The following ZNF331 variants were observed in gnomAD, a reference collection of about 807,000 sequenced individuals.
The protein encoded by ZNF331 is zinc finger protein 331.
A neutral mutation model predicts 7.0 loss-of-function variants in ZNF331; 2 were observed. That is an observed-to-expected ratio of 0.29 (90% CI 0.12 to 0.90). The LOEUF is 0.90. Ranked by LOEUF, ZNF331 falls within the 40% of genes least tolerant of loss-of-function variation. The pLI is 0.58. For missense variants in ZNF331, 432 were observed against 587.7 expected (o/e 0.74, Z 2.74); for synonymous variants, 196 against 205.4 (o/e 0.95, Z 0.39).
intron 5 of ZNF331, among the ~76,000 whole-genome samples, chr19:53,575,566 C>T (rs904076476): frequency 5.4e-5 from 8 of 149,084 alleles, no homozygotes; most frequent in Admixed American, 1.3e-4. Flanking sequence ...CTCCACCTCC[C>T]GGGTTCAAGC....
At chr19:53,527,359 T>C (rs749604155) in intron 2 of ZNF331, among the ~76,000 whole-genome samples, 1 of 152,082 alleles carries the variant, frequency 6.6e-6, no homozygotes, top group African/African-American at 2.4e-5. Flanking sequence ...CCCTAATTCA[T>C]GAATGCAGGA....
the ZNF331 span, among the ~76,000 whole-genome samples, chr19:53,506,448 C>CTCTCTCTCTCTCTCTG: frequency 2.2e-5 from 1 of 44,732 alleles, no homozygotes; most frequent in African/African-American, 7.0e-5. Context: ...CTCTCTGTCT[C>CTCTCTCTCTCTCTCTG]TCTCTCTCTC....
At chr19:53,540,306 G>A (rs746316679) in intron 2 of ZNF331, among the ~76,000 whole-genome samples, 10 of 152,210 alleles carry the variant, frequency 6.6e-5, no homozygotes, top group Non-Finnish European at 1.3e-4. Flanking sequence ...GTTCTGATGA[G>A]GGCCCTTTTC....
chr19:53,515,924 G>A (rs1367928518), upstream of ZNF331, among the ~76,000 whole-genome samples: 1 of 152,116 alleles, frequency 6.6e-6, no homozygotes, highest in African/African-American at 2.4e-5. Context: ...AATGGGTAAA[G>A]AAAATGTGAT....
the ZNF331 span, among the ~76,000 whole-genome samples, chr19:53,506,321 C>G: frequency 2.7e-4 from 25 of 92,304 alleles, no homozygotes; most frequent in Middle Eastern, 0.077. Context: ...GGCGACAGAG[C>G]GAGACTCCGT....
chr19:53,567,992 T>A (rs4803145), intron 3 of ZNF331, among the ~76,000 whole-genome samples: 40,256 of 152,084 alleles, frequency 0.26, 5,834 homozygotes, highest in East Asian at 0.45. Flanking sequence ...GGCTCATGCC[T>A]GTAATCCCAA....
intron 2 of ZNF331, among the ~76,000 whole-genome samples, chr19:53,545,454 G>A (rs1006176474): frequency 4.6e-5 from 7 of 152,172 alleles, no homozygotes; most frequent in African/African-American, 1.2e-4. Context: ...TCCAGGTGAC[G>A]CCCCAGAGGG....
At chr19:53,540,340 T>TC (rs2088058147) in intron 2 of ZNF331, among the ~76,000 whole-genome samples, 2 of 152,202 alleles carry the variant, frequency 1.3e-5, no homozygotes, top group Non-Finnish European at 2.9e-5. Context: ...GTCACCATCT[T>TC]GCTGTGTCCT....
chr19:53,536,770 G>T (rs1008466532), upstream of ZNF331, among the ~76,000 whole-genome samples: 5 of 152,192 alleles, frequency 3.3e-5, no homozygotes, highest in African/African-American at 1.2e-4. Context: ...GGGCGTGGTA[G>T]CGCATGCCTG....
At chr19:53,504,015 G>A in the ZNF331 span, 2 of 505,434 alleles carry the variant, frequency 4.0e-6, no homozygotes, top group African/African-American at 2.0e-5. Flanking sequence ...ACAGGCACAA[G>A]CGGCGGGTCC....
Position 53,579,712 on chromosome 19 carries a change from G to A in ZNF331, c.*1760G>A, listed in dbSNP as rs1266386285. On this transcript the variant is annotated 3_prime_UTR_variant, in exon 6 of 6. Coordinates refer to ENST00000449416, the MANE Select transcript of ZNF331 (RefSeq NM_001079906.2). ...TTGGCACAGCCGTGGGTTACGCAAT[G>A]ATTTCTTAGTACACAAAACACAGCA... The A allele has an allele frequency of 5.0e-6, 1 of 198,196 alleles. No homozygotes were observed. The highest frequency in any genetic ancestry group is 7.9e-5 in the East Asian group (1 of 12,692). The allele number at this position is 198,196 out of a possible 1,614,324, so 12.3% of individuals were successfully genotyped here. A position where few individuals can be genotyped will look rare whatever the true frequency, so the allele number is the denominator to read the frequency against.
chr19:53,516,315 G>A (rs889548044), upstream of ZNF331, among the ~76,000 whole-genome samples: 8 of 151,922 alleles, frequency 5.3e-5, no homozygotes, highest in Admixed American at 4.6e-4. Context: ...GCTGGGCATG[G>A]GGTGCGTGCC....
upstream of ZNF331, among the ~76,000 whole-genome samples, chr19:53,535,743 CTG>C (rs1362573629): frequency 6.6e-6 from 1 of 151,660 alleles, no homozygotes. Context: ...CGAATATTGA[CTG>C]TAACATTTCA....
chr19:53,569,711 A>C (rs2090343070), intron 4 of ZNF331, among the ~76,000 whole-genome samples: 1 of 152,130 alleles, frequency 6.6e-6, no homozygotes, highest in African/African-American at 2.4e-5. Flanking sequence ...ATCTGACCAC[A>C]TGAGAAACAG....
chr19:53,544,466 A>G (rs944733241), intron 2 of ZNF331, among the ~76,000 whole-genome samples: 74 of 145,238 alleles, frequency 5.1e-4, no homozygotes, highest in Non-Finnish European at 9.0e-5. Flanking sequence ...AATGGCGTGA[A>G]CCCAGGAGAC....
At chr19:53,550,301 A>G (rs909520767) in intron 2 of ZNF331, among the ~76,000 whole-genome samples, 5 of 152,180 alleles carry the variant, frequency 3.3e-5, no homozygotes, top group African/African-American at 1.2e-4. Flanking sequence ...TTCTGTCCGA[A>G]TGATCTTTCC....
intron 2 of ZNF331, among the ~76,000 whole-genome samples, chr19:53,544,043 A>T (rs149667386): frequency 0.12 from 18,467 of 151,682 alleles, 1,253 homozygotes; most frequent in African/African-American, 0.18. Context: ...CCTGGCCACC[A>T]TGGTGAAATC....
At chr19:53,559,889 G>A (rs1021028317) in intron 3 of ZNF331, among the ~76,000 whole-genome samples, 3 of 146,080 alleles carry the variant, frequency 2.1e-5, no homozygotes, top group African/African-American at 7.6e-5. Flanking sequence ...ACACACACAT[G>A]CCATACACAC....
At chr19:53,575,350 C>T (rs187632923) in intron 5 of ZNF331, among the ~76,000 whole-genome samples, 1 of 152,100 alleles carries the variant, frequency 6.6e-6, no homozygotes, top group Non-Finnish European at 1.5e-5. Context: ...TGCTGTTTCT[C>T]AGTCCTTTGC....
Sources: gnomAD v4.1 joint callset for allele counts (sites outside exome capture counted in the v4.1 genomes callset) on GRCh38, gnomAD v4.1.1 for gene constraint, MANE v1.5 for transcripts, NCBI Gene and HGNC (gene_info 2026-07-23, HGNC 2026-07-21) for gene names.